FMN2: variants seen among roughly 807,000 people sequenced by gnomAD.
FMN2 encodes formin 2.
A neutral mutation model predicts 142.3 loss-of-function variants in FMN2; 51 were observed. That is an observed-to-expected ratio of 0.36 (90% CI 0.29 to 0.45). The LOEUF (loss-of-function observed/expected upper bound fraction) is 0.45. Among genes scored for constraint, FMN2 ranks in the 20% least tolerant of loss-of-function variants. FMN2 has a pLI of 1.00. For synonymous variants in FMN2, 882 were observed against 869.8 expected (o/e 1.01, Z -0.25); for missense variants, 1,936 against 2,122.8 (o/e 0.91, Z 1.73).
intron 15 of FMN2, among the ~76,000 whole-genome samples, chr1:240,416,287 G>A (rs1391781218): frequency 3.6e-5 from 5 of 137,312 alleles, no homozygotes; most frequent in Non-Finnish European, 7.6e-5. Context: ...TTGAGACGGA[G>A]TCTTGCTCTG....
chr1:240,334,915 T>TA (rs1288101798), intron 13 of FMN2, among the ~76,000 whole-genome samples: 3 of 152,182 alleles, frequency 2.0e-5, no homozygotes, highest in Admixed American at 2.0e-4. Context: ...AGATGAGAAG[T>TA]AAATACATTT....
chr1:240,343,174 G>T (rs764015467), intron 13 of FMN2, among the ~76,000 whole-genome samples: 10 of 152,098 alleles, frequency 6.6e-5, no homozygotes, highest in Non-Finnish European at 8.8e-5. Flanking sequence ...AAGACTGTGC[G>T]CATATGTGGT....
chr1:240,219,129 T>G (rs553163844), intron 6 of FMN2, among the ~76,000 whole-genome samples: 1 of 152,144 alleles, frequency 6.6e-6, no homozygotes, highest in East Asian at 1.9e-4. Flanking sequence ...TGTCTGGGAG[T>G]TTTAGGAATG....
At chr1:240,318,397 CTTTTCTTTTTCT>C (rs1033358030) in intron 8 of FMN2, among the ~76,000 whole-genome samples, 2 of 152,026 alleles carry the variant, frequency 1.3e-5, no homozygotes, top group Admixed American at 6.6e-5. Flanking sequence ...AGGAAACTGG[CTTTTCTTTTTCT>C]TTTTCTTTTT....
At chr1:240,332,127 C>T (rs931301688) in intron 11 of FMN2, among the ~76,000 whole-genome samples, 6 of 152,046 alleles carry the variant, frequency 3.9e-5, no homozygotes, top group Non-Finnish European at 8.8e-5. Context: ...CTTCCAAAAT[C>T]GAATAATTCA....
chr1:240,277,354 G>T (rs1017781486), intron 7 of FMN2, among the ~76,000 whole-genome samples: 1 of 150,440 alleles, frequency 6.6e-6, no homozygotes, highest in Non-Finnish European at 1.5e-5. Context: ...TGATCAATCC[G>T]TTTAAGACCA....
intron 1 of FMN2, among the ~76,000 whole-genome samples, chr1:240,108,666 C>T (rs1345731343): frequency 6.6e-6 from 1 of 152,100 alleles, no homozygotes; most frequent in Admixed American, 6.6e-5. Flanking sequence ...ATATAGTGGC[C>T]TGGAAGAAAC....
At chr1:240,316,289 A>T (rs1670777314) in intron 8 of FMN2, among the ~76,000 whole-genome samples, 1 of 152,212 alleles carries the variant, frequency 6.6e-6, no homozygotes, top group African/African-American at 2.4e-5. Flanking sequence ...ATAGAGAGGC[A>T]GTATCTGGGA....
chr1:240,098,357 C>A (rs1051150074), intron 1 of FMN2, among the ~76,000 whole-genome samples: 6 of 151,924 alleles, frequency 3.9e-5, no homozygotes, highest in African/African-American at 1.2e-4. Context: ...CTGCCTTGGC[C>A]TCCCCAAGTG....
intron 4 of FMN2, among the ~76,000 whole-genome samples, chr1:240,194,062 G>C (rs1159769475): frequency 6.6e-6 from 1 of 151,872 alleles, no homozygotes; most frequent in Non-Finnish European, 1.5e-5. Context: ...GTTTTTTGTT[G>C]TTGTTGTTGT....
intron 2 of FMN2, among the ~76,000 whole-genome samples, chr1:240,146,029 A>G (rs1448353646): frequency 6.6e-6 from 1 of 151,914 alleles, no homozygotes; most frequent in African/African-American, 2.4e-5. Context: ...TCCCAGGTGT[A>G]GATTGTGTAA....
chr1:240,135,637 T>G (rs541016525), intron 2 of FMN2, among the ~76,000 whole-genome samples: 1 of 152,146 alleles, frequency 6.6e-6, no homozygotes, highest in South Asian at 2.1e-4. Flanking sequence ...TAAAAATTGT[T>G]AATTCTCTGG....
chr1:240,330,562 A>G (rs745854065), intron 10 of FMN2, 41 bp from the exon 11 acceptor site: 21 of 1,593,858 alleles, frequency 1.3e-5, no homozygotes, highest in South Asian at 4.6e-5. Context: ...AAAACCTGGT[A>G]TAAGATAAAA....
At chr1:240,412,274 A>T (rs28688075) in intron 15 of FMN2, among the ~76,000 whole-genome samples, 10,898 of 152,230 alleles carry the variant, frequency 0.072, 1,344 homozygotes, top group African/African-American at 0.25. Flanking sequence ...TGCACCCTTA[A>T]CAAAAATTGT....
chr1:240,103,636 A>G (rs1176864507), intron 1 of FMN2, among the ~76,000 whole-genome samples: 1 of 151,788 alleles, frequency 6.6e-6, no homozygotes, highest in Non-Finnish European at 1.5e-5. Flanking sequence ...ATGTCTTCCA[A>G]TTTCTGTTTC....
chr1:240,435,487 T>C lies in FMN2; in HGVS notation c.4911-2574T>C, dbSNP rs1675334750. On this transcript the variant is annotated intron_variant, in intron 15 of 17. Coordinates refer to ENST00000319653, the MANE Select transcript of FMN2 (RefSeq NM_020066.5). ...ATTTAGAGAATACTTTTAGGAAATA[T>C]ATATTTATATTTATTTAATATGCAA... Among the ~76,000 whole-genome samples, 4 of 151,516 alleles carry C rather than the reference T, an allele frequency of 2.6e-5. No individual in the cohort carries two copies. In the South Asian group the frequency reaches 6.2e-4, roughly 24 times the overall value.
rs1221498893 is a variant in FMN2, at chr1:240,208,428, A to G, written c.3616A>G (p.Ile1206Val). 3.8e-6 allele frequency: 6 copies of G among 1,585,296 alleles called. No homozygotes were observed. Among genetic ancestry groups the G allele is most frequent in the Admixed American group, 3.4e-5 (2 of 58,120 alleles). Residue 1206 changes from isoleucine (I) to valine (V), a missense_variant, in exon 5 of 18, where the codon ATT (isoleucine) becomes GTT (valine). Coordinates refer to ENST00000319653, the MANE Select transcript of FMN2 (RefSeq NM_020066.5). ...PPPPPLPGAGIPPPPPLPGMG... is the reference protein window; with the variant it reads ...PPPPPLPGAGVPPPPPLPGMG... ...TCCGCCCCCTCTACCTGGTGCTGGG[A>G]TTCCCCCACCTCCTCCCTTGCCAGG...
chr1:240,213,746 GT>G (rs1666782010), intron 6 of FMN2, among the ~76,000 whole-genome samples: 1 of 152,142 alleles, frequency 6.6e-6, no homozygotes, highest in South Asian at 2.1e-4. Flanking sequence ...TTCTGTTTTT[GT>G]TTAAATATTT....
intron 13 of FMN2, among the ~76,000 whole-genome samples, chr1:240,336,553 CAAAAAAAAA>C (rs552135436): frequency 0.014 from 711 of 50,508 alleles, 10 homozygotes; most frequent in African/African-American, 0.033. Context: ...TGGTATTCTC[CAAAAAAAAA>C]AAAAAAAAAA....
Sources: allele counts gnomAD v4.1 joint callset (sites outside exome capture counted in the v4.1 genomes callset), GRCh38; gene constraint gnomAD v4.1.1; transcripts MANE v1.5; gene names NCBI Gene and HGNC (gene_info 2026-07-23, HGNC 2026-07-21).